Variants in KIRREL3 observed in about 807,000 individuals in gnomAD.
The protein encoded by KIRREL3 is kirre like nephrin family adhesion molecule 3, also known as kin of IRRE-like protein 3.
Under a neutral mutation model 89.7 loss-of-function variants are expected in KIRREL3, and 36 were observed. That is an observed-to-expected ratio of 0.40 (90% CI 0.31 to 0.53). The LOEUF (loss-of-function observed/expected upper bound fraction) is 0.53, where lower values mean the gene tolerates loss of function less well. KIRREL3 is among the 20% of genes least tolerant of loss of function. The pLI, the probability that KIRREL3 is intolerant of heterozygous loss-of-function variation, is 0.49. For synonymous variants in KIRREL3, 445 were observed against 441.4 expected, an observed-to-expected ratio of 1.01 and a Z score of -0.10; for missense variants, 864 against 1,056.6, an observed-to-expected ratio of 0.82 and a Z score of 2.53.
intron 16 of KIRREL3, 27 bp downstream of exon 16, chr11:126,425,611 T>C (rs746083318): frequency 5.4e-5 from 83 of 1,532,086 alleles, no homozygotes; most frequent in Non-Finnish European, 7.1e-5. Flanking sequence ...TCCATGGCTG[T>C]GTCTTATAAC....
intron 1 of KIRREL3, among the ~76,000 whole-genome samples, chr11:126,922,912 G>A (rs1218470966): frequency 2.0e-5 from 3 of 152,124 alleles, no homozygotes; most frequent in Non-Finnish European, 2.9e-5. Context: ...GATGGTTCTT[G>A]CCGAGGTTGC....
At chr11:126,880,558 T>C (rs1488218345) in intron 1 of KIRREL3, among the ~76,000 whole-genome samples, 1 of 152,098 alleles carries the variant, frequency 6.6e-6, no homozygotes, top group East Asian at 1.9e-4. Flanking sequence ...TGGATATAAA[T>C]ATAAGAGCAA....
chr11:126,445,384 A>G (rs1286686214), intron 9 of KIRREL3, among the ~76,000 whole-genome samples: 4 of 152,202 alleles, frequency 2.6e-5, no homozygotes, highest in Non-Finnish European at 4.4e-5. Context: ...GTGGGGGCAC[A>G]TGTGCCGGAG....
rs1010182679 is a variant in KIRREL3 at position 126,694,353 on chromosome 11, G to A, written c.56-131441C>T. On this transcript the variant is annotated intron_variant, in intron 1 of 16. Coordinates refer to ENST00000525144, the MANE Select transcript of KIRREL3 (RefSeq NM_032531.4). The surrounding 1 kb of genome is among the most constrained non-coding windows in gnomAD (Gnocchi z 4.4). ...ACTTTTCCATTGTATCCTAGTGAGC[G>A]TGCACCGGAGTTGTGTCTCCCCTGG... 5.9e-5 allele frequency among the ~76,000 whole-genome samples: 9 copies of A among 152,312 alleles called. No individual in the cohort carries two copies. Among genetic ancestry groups the A allele is most frequent in the Middle Eastern group, 6.8e-3 (2 of 294 alleles).
chr11:126,517,130 G>GAGAGAA (rs763739925), intron 4 of KIRREL3, among the ~76,000 whole-genome samples: 2 of 119,866 alleles, frequency 1.7e-5, no homozygotes, highest in Non-Finnish European at 3.4e-5. Context: ...GAGAGAGAGA[G>GAGAGAA]AGAGAAAGAG....
rs1946555062 is a variant in KIRREL3 at position 126,905,684 on chromosome 11, C to T, written c.55+94771G>A. Among the ~76,000 whole-genome samples, 1 of 152,108 alleles carries T rather than the reference C, an allele frequency of 6.6e-6. No individual in the cohort carries two copies. The highest frequency in any genetic ancestry group is 2.4e-5 in the African/African-American group (1 of 41,418). ...GTCTCCATTCTCCAATCTGTCTGGC[C>T]ATGAACCCTTAACAGAACACCAGAG... On this transcript the variant is annotated intron_variant, in intron 1 of 16. Transcript: ENST00000525144. The surrounding 1 kb of genome is among the most constrained non-coding windows in gnomAD (Gnocchi z 5.0).
At position 126,989,168 on chromosome 11, in the gene KIRREL3, C is replaced by T. The variant is rs1195294890; in HGVS notation, c.55+11287G>A. Among the ~76,000 whole-genome samples, 1 of 152,224 alleles carries T rather than the reference C, an allele frequency of 6.6e-6. No individual in the cohort carries two copies. The highest frequency in any genetic ancestry group is 1.5e-5 in the Non-Finnish European group (1 of 68,036). On this transcript the variant is annotated intron_variant, in intron 1 of 16. Transcript: ENST00000525144. The surrounding 1 kb of genome is among the most constrained non-coding windows in gnomAD (Gnocchi z 6.2). ...CTCTTCTACCCTTGTAGCATCAACT[C>T]TGCAGTTTGAAGTAAGGTTTTGCAA...
At chr11:126,767,860 G>A (rs1949877996) in intron 1 of KIRREL3, among the ~76,000 whole-genome samples, 1 of 152,204 alleles carries the variant, frequency 6.6e-6, no homozygotes, top group South Asian at 2.1e-4. Flanking sequence ...TTTGATTGGT[G>A]AGATAAGGTT....
intron 11 of KIRREL3, among the ~76,000 whole-genome samples, chr11:126,437,871 TACAC>T (rs762718319): frequency 1.3e-5 from 2 of 152,094 alleles, no homozygotes; most frequent in African/African-American, 2.4e-5. Context: ...TACTTACAGG[TACAC>T]ACACTATGAC....
Position 126,615,758 on chromosome 11 carries a change from A to G in KIRREL3, c.56-52846T>C, listed in dbSNP as rs189388169. On this transcript the variant is annotated intron_variant, in intron 1 of 16. Coordinates refer to ENST00000525144, the MANE Select transcript of KIRREL3 (RefSeq NM_032531.4). This position sits in a 1 kb window ranked among gnomAD's most constrained non-coding sequence, Gnocchi z 5.4. Reference sequence around the variant, plus strand: ...CCAGTGAGGTGTTGGCCCGGTCCAGAGGCAGAGCCTTACTACCTTTGGCTA... The same window carrying G: ...CCAGTGAGGTGTTGGCCCGGTCCAGGGGCAGAGCCTTACTACCTTTGGCTA... Among the ~76,000 whole-genome samples, 338 of 152,330 alleles carry G rather than the reference A, an allele frequency of 2.2e-3. 1 individual carries two copies. The highest frequency in any genetic ancestry group is 0.02 in the Middle Eastern group (6 of 294).
chr11:126,487,964 C>T (rs748385575), intron 4 of KIRREL3, among the ~76,000 whole-genome samples: 13 of 152,222 alleles, frequency 8.5e-5, no homozygotes, highest in African/African-American at 2.7e-4. Context: ...TCACAGAAGG[C>T]GGAGGTGGAG....
At chr11:126,597,255 C>T (rs1429834048) in intron 1 of KIRREL3, among the ~76,000 whole-genome samples, 1 of 152,230 alleles carries the variant, frequency 6.6e-6, no homozygotes. Context: ...GCCCGCCTGT[C>T]ACTCTGCAGC....
chr11:126,627,020 A>C lies in KIRREL3; in HGVS notation c.56-64108T>G, dbSNP rs7946045. Among the ~76,000 whole-genome samples, 2,153 of 11,052 alleles carry C rather than the reference A, an allele frequency of 0.19. 48 individuals are homozygous for C. The highest frequency in any genetic ancestry group is 0.29 in the African/African-American group (2,001 of 6,966). The allele number at this position is 11,052 out of a possible 152,430, so 7.3% of individuals were successfully genotyped here. A position where few individuals can be genotyped will look rare whatever the true frequency, so the allele number is the denominator to read the frequency against. ...TGTCTCAAGAAAAAAAAAAAACAAA[A>C]AAAAAAGAATAACCACAGTTTTGAA... On this transcript the variant is annotated intron_variant, in intron 1 of 16. Transcript: ENST00000525144. The surrounding 1 kb of genome is among the most constrained non-coding windows in gnomAD (Gnocchi z 5.0).
rs554849531 is a variant in KIRREL3 at position 126,912,007 on chromosome 11, C to G, written c.55+88448G>C. On this transcript the variant is annotated intron_variant, in intron 1 of 16. Coordinates refer to ENST00000525144, the MANE Select transcript of KIRREL3 (RefSeq NM_032531.4). This position sits in a 1 kb window ranked among gnomAD's most constrained non-coding sequence, Gnocchi z 4.7. Reference sequence around the variant, plus strand: ...CAAAAAAAAAAAAAAAAAAAAAGAACGGCAACTGGGATGACTCAGTAGAGA... The same window carrying G: ...CAAAAAAAAAAAAAAAAAAAAAGAAGGGCAACTGGGATGACTCAGTAGAGA... 7.8e-6 allele frequency among the ~76,000 whole-genome samples: 1 copy of G among 128,588 alleles called. No homozygotes were observed. The highest frequency in any genetic ancestry group is 1.6e-5 in the Non-Finnish European group (1 of 60,988). 84.4% of individuals were successfully genotyped at this position (128,588 alleles called of 152,430 possible). A position where few individuals can be genotyped will look rare whatever the true frequency, so the allele number is the denominator to read the frequency against.
chr11:126,691,478 T>C (rs1004201790), intron 1 of KIRREL3, among the ~76,000 whole-genome samples: 5 of 152,216 alleles, frequency 3.3e-5, no homozygotes, highest in Middle Eastern at 6.3e-3. Context: ...AATAGTCCCA[T>C]GCAACAATAT....
At position 126,558,862 on chromosome 11, in the gene KIRREL3, G is replaced by A. The variant is rs1046087006; in HGVS notation, c.133+3973C>T. On this transcript the variant is annotated intron_variant, in intron 2 of 16. Coordinates refer to ENST00000525144, the MANE Select transcript of KIRREL3 (RefSeq NM_032531.4). This position sits in a 1 kb window ranked among gnomAD's most constrained non-coding sequence, Gnocchi z 4.0. ...TGTATGTGTGCATGTGTATACATGT[G>A]TGCAGGTGTGTGCATGCATGTGTGC... Among the ~76,000 whole-genome samples the A allele has an allele frequency of 6.6e-6, 1 of 152,160 alleles. No individual in the cohort carries two copies. The highest frequency in any genetic ancestry group is 1.5e-5 in the Non-Finnish European group (1 of 68,034).
chr11:126,950,397 AC>A (rs937569083), intron 1 of KIRREL3, among the ~76,000 whole-genome samples: 1 of 151,996 alleles, frequency 6.6e-6, no homozygotes, highest in African/African-American at 2.4e-5. Flanking sequence ...AAACAAACAA[AC>A]AAAACCAAAA....
At chr11:126,580,096 C>T (rs1357061437) in intron 1 of KIRREL3, among the ~76,000 whole-genome samples, 2 of 152,328 alleles carry the variant, frequency 1.3e-5, no homozygotes, top group East Asian at 3.9e-4. Flanking sequence ...CCACCCACCT[C>T]TGCCTCCCAA....
chr11:126,552,509 C>T (rs1382657128), intron 2 of KIRREL3, among the ~76,000 whole-genome samples: 2 of 148,274 alleles, frequency 1.3e-5, no homozygotes, highest in Non-Finnish European at 3.0e-5. Context: ...AGTTGCAGCC[C>T]TGGTCCCGGG....
Sources: gnomAD v4.1 joint callset for allele counts (sites outside exome capture counted in the v4.1 genomes callset) on GRCh38, gnomAD v4.1.1 for gene constraint, Gnocchi (gnomAD v3.1) non-coding constraint, MANE v1.5 for transcripts, NCBI Gene and HGNC (gene_info 2026-07-23, HGNC 2026-07-21) for gene names.